The following ATP11A variants were observed in gnomAD, a reference collection of about 807,000 sequenced individuals.
ATP11A encodes ATPase phospholipid transporting 11A.
Under a neutral mutation model 154.4 loss-of-function variants are expected in ATP11A, and 81 were observed. The observed-to-expected ratio is 0.52, with a 90% CI of 0.44 to 0.63. The LOEUF (loss-of-function observed/expected upper bound fraction) is 0.63. Among genes scored for constraint, ATP11A ranks in the 30% least tolerant of loss-of-function variants. The pLI, the probability that ATP11A is intolerant of heterozygous loss-of-function variation, is 0.00. For synonymous variants in ATP11A, 623 were observed against 585.9 expected (o/e 1.06, Z -0.91); for missense variants, 1,316 against 1,474.3 (o/e 0.89, Z 1.76).
chr13:112,830,395 C>T (rs9577850), intron 12 of ATP11A, among the ~76,000 whole-genome samples: 17 of 152,088 alleles, frequency 1.1e-4, no homozygotes, highest in East Asian at 9.7e-4. Flanking sequence ...GCCAACATGG[C>T]GAAACTCCCA....
chr13:112,810,729 A>G lies in ATP11A; in HGVS notation c.441+3A>G. ...GGAAACAAAGTCGAAAGCTGCGAGT[A>G]AGTGACACCCGACACATTTACGCTG... On this transcript the variant is annotated splice_donor_region_variant and intron_variant, in intron 5 of 29. Coordinates refer to ENST00000375645, the MANE Select transcript of ATP11A (RefSeq NM_015205.3). The G allele has an allele frequency of 6.2e-7, 1 of 1,613,402 alleles. No homozygotes were observed. The highest frequency in any genetic ancestry group is 8.5e-7 in the Non-Finnish European group (1 of 1,179,330).
chr13:112,789,588 T>TTTCGCGTA (rs2077777263), intron 2 of ATP11A, among the ~76,000 whole-genome samples: 1 of 149,474 alleles, frequency 6.7e-6, no homozygotes, highest in African/African-American at 2.5e-5. Context: ...ACCGGTGTCC[T>TTTCGCGTA]GACGCGTAGA....
At chr13:112,778,080 G>A (rs561363397) in intron 1 of ATP11A, among the ~76,000 whole-genome samples, 20 of 152,316 alleles carry the variant, frequency 1.3e-4, no homozygotes, top group Admixed American at 3.3e-4. Flanking sequence ...ACAGTCTTCC[G>A]TGTGAATCGT....
chr13:112,717,886 G>GACCA (rs1303143986), intron 1 of ATP11A, among the ~76,000 whole-genome samples: 1 of 152,214 alleles, frequency 6.6e-6, no homozygotes, highest in African/African-American at 2.4e-5. Flanking sequence ...AGACCAGCCT[G>GACCA]ACCAACATGG....
intron 16 of ATP11A, among the ~76,000 whole-genome samples, chr13:112,841,591 G>C (rs1286313124): frequency 1.3e-5 from 2 of 151,430 alleles, no homozygotes; most frequent in African/African-American, 4.9e-5. Flanking sequence ...GCACAAACTA[G>C]CCACCTGGCA....
At chr13:112,756,047 C>T (rs1411624743) in intron 1 of ATP11A, among the ~76,000 whole-genome samples, 1 of 152,240 alleles carries the variant, frequency 6.6e-6, no homozygotes, top group African/African-American at 2.4e-5. Flanking sequence ...GTCACGGAAG[C>T]GTCACTCAGA....
At chr13:112,854,024 G>C (rs1431598888) in intron 18 of ATP11A, among the ~76,000 whole-genome samples, 1 of 152,158 alleles carries the variant, frequency 6.6e-6, no homozygotes, top group East Asian at 1.9e-4. Context: ...ACACAAGACA[G>C]CCCTTTACTT....
intron 1 of ATP11A, among the ~76,000 whole-genome samples, chr13:112,784,811 C>T (rs2077582696): frequency 6.6e-6 from 1 of 152,226 alleles, no homozygotes; most frequent in African/African-American, 2.4e-5. Context: ...GCGTGAGCCG[C>T]CGCGCCCGGC....
chr13:112,832,767 C>CG (rs2079130434), intron 13 of ATP11A, 93 bp from the exon 14 acceptor site: 7 of 1,482,624 alleles, frequency 4.7e-6, no homozygotes, highest in Non-Finnish European at 5.5e-6. Flanking sequence ...GGACCCCCCC[C>CG]ACCCCGCTTC....
At chr13:112,706,250 C>T (rs1402078013) in intron 1 of ATP11A, among the ~76,000 whole-genome samples, 1 of 152,148 alleles carries the variant, frequency 6.6e-6, no homozygotes, top group Non-Finnish European at 1.5e-5. Flanking sequence ...AATGTGAGGA[C>T]TCATTTGCAC....
intron 27 of ATP11A, among the ~76,000 whole-genome samples, chr13:112,874,838 G>T (rs1361651526): frequency 6.6e-6 from 1 of 152,190 alleles, no homozygotes; most frequent in East Asian, 1.9e-4. Flanking sequence ...TAACAGCCCT[G>T]AAGGCGATGG....
chr13:112,740,148 CTATATA>C (rs59104065), intron 1 of ATP11A, among the ~76,000 whole-genome samples: 107 of 137,890 alleles, frequency 7.8e-4, no homozygotes, highest in South Asian at 2.1e-3. Context: ...CTCTCTCTCT[CTATATA>C]TATATATATA....
At chr13:112,717,919 A>G (rs1446583803) in intron 1 of ATP11A, among the ~76,000 whole-genome samples, 1 of 152,224 alleles carries the variant, frequency 6.6e-6, no homozygotes, top group African/African-American at 2.4e-5. Flanking sequence ...TCTACTAAAA[A>G]TACAAAAATT....
chr13:112,881,678 C>A (rs537256840), intron 29 of ATP11A, 198 bp from the exon 30 acceptor site: 1 of 1,239,248 alleles, frequency 8.1e-7, no homozygotes, highest in African/African-American at 1.5e-5. Context: ...GCCCTCAGGA[C>A]GAGGGTGTGT....
rs3742227 is a variant in ATP11A at position 112,690,489 on chromosome 13, G to A, written c.39+34G>A. ...TCCCGGCGCGGGCTGGGGGACCCGG[G>A]GACCAGACAGACGCGGGCCGGCCCC... On this transcript the variant is annotated intron_variant, in intron 1 of 29. Transcript: ENST00000375645. This position sits in a 1 kb window ranked among gnomAD's most constrained non-coding sequence, Gnocchi z 5.6. 0.13 allele frequency: 164,923 copies of A among 1,310,356 alleles called. 11,256 individuals are homozygous for A. The highest frequency in any genetic ancestry group is 0.27 in the East Asian group (9,276 of 34,246). 81.2% of individuals were successfully genotyped at this position (1,310,356 alleles called of 1,614,324 possible). A position where few individuals can be genotyped will look rare whatever the true frequency, so the allele number is the denominator to read the frequency against.
chr13:112,881,635 G>C (rs1278768), intron 29 of ATP11A: 614,273 of 1,190,892 alleles, frequency 0.52, 161,677 homozygotes, highest in East Asian at 0.59. Flanking sequence ...GCCTCCATAT[G>C]GCTTCTCTGG....
intron 19 of ATP11A, 48 bp downstream of exon 19, chr13:112,854,578 C>T (rs781647500): frequency 6.4e-7 from 1 of 1,571,240 alleles, no homozygotes; most frequent in South Asian, 1.1e-5. Flanking sequence ...GCAAAAGGGG[C>T]TTCAGACCCA....
At chr13:112,794,215 T>C (rs888834651) in intron 2 of ATP11A, among the ~76,000 whole-genome samples, 5 of 152,158 alleles carry the variant, frequency 3.3e-5, no homozygotes, top group Admixed American at 3.3e-4. Context: ...CTACTGATTG[T>C]ATCACAGTCG....
intron 15 of ATP11A, among the ~76,000 whole-genome samples, 191 bp from the exon 16 acceptor site, chr13:112,835,987 C>G (rs1195489374): frequency 1.3e-5 from 2 of 152,222 alleles, no homozygotes; most frequent in Admixed American, 6.5e-5. Flanking sequence ...GGTACACCTG[C>G]TGCGTCCTTC....
Sources: gnomAD v4.1 joint callset for allele counts (sites outside exome capture counted in the v4.1 genomes callset) on GRCh38, gnomAD v4.1.1 for gene constraint, Gnocchi (gnomAD v3.1) non-coding constraint, MANE v1.5 for transcripts, NCBI Gene and HGNC (gene_info 2026-07-23, HGNC 2026-07-21) for gene names.